Variants in CELF2 observed in about 807,000 individuals in gnomAD.
CELF2 encodes the protein CUGBP Elav-like family member 2, also known as CUG triplet repeat RNA-binding protein 2.
CELF2 carries 8 observed loss-of-function variants against 62.6 expected under a neutral mutation model. That is an observed-to-expected ratio of 0.13 (90% CI 0.07 to 0.23). The LOEUF (loss-of-function observed/expected upper bound fraction) is 0.23, where lower values mean the gene tolerates loss of function less well. Ranked by LOEUF, CELF2 falls within the 10% of genes least tolerant of loss-of-function variation. The pLI is 1.00. For synonymous variants in CELF2, 258 were observed against 250.0 expected (o/e 1.03, Z -0.30); for missense variants, 333 against 671.0 (o/e 0.50, Z 5.56).
the CELF2 span, among the ~76,000 whole-genome samples, chr10:10,565,181 C>T: frequency 6.6e-6 from 1 of 152,228 alleles, no homozygotes; most frequent in African/African-American, 2.4e-5. Context: ...GTGGCCCAGG[C>T]TATTATCTGA....
chr10:11,305,674 G>A lies in CELF2; in HGVS notation c.977-8465G>A, dbSNP rs1432356220. Among the ~76,000 whole-genome samples, 1 of 152,206 alleles carries A rather than the reference G, an allele frequency of 6.6e-6. No homozygotes were observed. Among genetic ancestry groups the A allele is most frequent in the African/African-American group, 2.4e-5 (1 of 41,450 alleles). On this transcript the variant is annotated intron_variant, in intron 9 of 12. Coordinates refer to ENST00000633077, the MANE Select transcript of CELF2 (RefSeq NM_001326342.2). The surrounding 1 kb of genome is among the most constrained non-coding windows in gnomAD (Gnocchi z 4.8). ...AGGCACTCGGTCTCTGACCTACAGT[G>A]TTAACCTAAGACAAGAATCTCTTCT...
intron 4 of CELF2, among the ~76,000 whole-genome samples, chr10:11,256,417 G>A (rs908660857): frequency 6.6e-5 from 10 of 152,112 alleles, no homozygotes; most frequent in Non-Finnish European, 1.0e-4. Flanking sequence ...CTTCCTGTCC[G>A]GGGTAGGCAT....
At chr10:10,789,970 C>T in the CELF2 span, among the ~76,000 whole-genome samples, 2 of 151,820 alleles carry the variant, frequency 1.3e-5, no homozygotes, top group Admixed American at 6.6e-5. Context: ...TTTATAAATG[C>T]TTTCACATAA....
chr10:11,079,904 C>A (rs1187613151), intron 1 of CELF2, among the ~76,000 whole-genome samples: 1 of 152,154 alleles, frequency 6.6e-6, no homozygotes, highest in Non-Finnish European at 1.5e-5. Context: ...GCAAGATGCA[C>A]TGTACTGCAA....
chr10:11,222,173 G>A (rs1049810253), intron 3 of CELF2, among the ~76,000 whole-genome samples: 3 of 152,168 alleles, frequency 2.0e-5, no homozygotes, highest in African/African-American at 4.8e-5. Flanking sequence ...CAGCAAAAAA[G>A]CTTGACTCTC....
At chr10:10,741,492 CAAAAAAAAAAAAA>C in the CELF2 span, among the ~76,000 whole-genome samples, 7 of 57,344 alleles carry the variant, frequency 1.2e-4, no homozygotes, top group Admixed American at 1.3e-3. Flanking sequence ...GACTCCGTCT[CAAAAAAAAAAAAA>C]AAAAAAAAAA....
rs1291019103 is a variant in CELF2, at chr10:11,159,101, G to A, written c.75-6385G>A. Among the ~76,000 whole-genome samples, 3 of 152,192 alleles carry A rather than the reference G, an allele frequency of 2.0e-5. No homozygotes were observed. The highest frequency in any genetic ancestry group is 2.9e-5 in the Non-Finnish European group (2 of 68,032). On this transcript the variant is annotated intron_variant, in intron 1 of 12. Transcript: ENST00000633077. This position sits in a 1 kb window ranked among gnomAD's most constrained non-coding sequence, Gnocchi z 5.0. Reference sequence around the variant, plus strand: ...AATTTTCCATGTGGATTCACTAGCTGATGTGTGGCCATCTCAGAGATGGTT... The same window carrying A: ...AATTTTCCATGTGGATTCACTAGCTAATGTGTGGCCATCTCAGAGATGGTT...
rs1268090103 is a variant in CELF2, at chr10:11,159,868, G to A, written c.75-5618G>A. Among the ~76,000 whole-genome samples the A allele has an allele frequency of 2.0e-5, 3 of 152,218 alleles. No individual in the cohort carries two copies. Among genetic ancestry groups the A allele is most frequent in the Admixed American group, 6.5e-5 (1 of 15,280 alleles). ...AATGATTCCTGAGCCCTTTGAAAGA[G>A]TGGCTTGTTAGCTACAGAAATGATG... On this transcript the variant is annotated intron_variant, in intron 1 of 12. Transcript: ENST00000633077. The surrounding 1 kb of genome is among the most constrained non-coding windows in gnomAD (Gnocchi z 5.0).
chr10:10,570,070 A>G, the CELF2 span, among the ~76,000 whole-genome samples: 2 of 152,184 alleles, frequency 1.3e-5, no homozygotes, highest in Non-Finnish European at 2.9e-5. Context: ...AAACCAATCT[A>G]GTGCCTCCCA....
rs182954941 is a variant in CELF2, at chr10:11,269,407, G to C, written c.619-1259G>C. ...AACTGCATCCCCAGTAACTACCCAA[G>C]GTGATAAGGAAAAAAATGCGTTTGT... is the stretch of plus-strand genomic sequence containing the variant. On this transcript the variant is annotated intron_variant, in intron 6 of 12. Coordinates refer to ENST00000633077, the MANE Select transcript of CELF2 (RefSeq NM_001326342.2). This position sits in a 1 kb window ranked among gnomAD's most constrained non-coding sequence, Gnocchi z 4.4. 1.3e-3 allele frequency among the ~76,000 whole-genome samples: 195 copies of C among 151,846 alleles called. 1 individual carries two copies. The highest frequency in any genetic ancestry group is 4.4e-3 in the African/African-American group (181 of 41,390).
the CELF2 span, among the ~76,000 whole-genome samples, chr10:10,540,860 G>A: frequency 3.3e-5 from 5 of 152,070 alleles, no homozygotes; most frequent in African/African-American, 1.2e-4. Context: ...TAATCCAAAG[G>A]AATTCAGTAT....
the CELF2 span, among the ~76,000 whole-genome samples, chr10:10,753,901 T>C: frequency 6.6e-6 from 1 of 152,174 alleles, no homozygotes; most frequent in Non-Finnish European, 1.5e-5. Flanking sequence ...ATTTGTATTT[T>C]CAATGTGTAT....
At chr10:11,185,166 A>G (rs1422342771) in intron 2 of CELF2, among the ~76,000 whole-genome samples, 2 of 152,052 alleles carry the variant, frequency 1.3e-5, no homozygotes, top group East Asian at 3.9e-4. Flanking sequence ...AATATGACAA[A>G]TCACATTGTT....
chr10:10,473,257 G>C, the CELF2 span, among the ~76,000 whole-genome samples: 2 of 152,070 alleles, frequency 1.3e-5, no homozygotes, highest in South Asian at 4.1e-4. Context: ...CATTGTGAAA[G>C]TGAAGGCAGA....
intron 1 of CELF2, chr10:10,917,757 T>C (rs2064490665): frequency 6.6e-6 from 1 of 152,162 alleles, no homozygotes; most frequent in Admixed American, 6.5e-5. Flanking sequence ...CCGGCATCAG[T>C]GGGTAGATGA....
At chr10:10,683,794 G>A in the CELF2 span, among the ~76,000 whole-genome samples, 2 of 152,112 alleles carry the variant, frequency 1.3e-5, no homozygotes, top group Non-Finnish European at 2.9e-5. Flanking sequence ...TTAATATTAG[G>A]ATTAGCCTCT....
rs185427349 is a variant in CELF2, at chr10:10,856,250, G to A, written c.53+57433G>A. Among the ~76,000 whole-genome samples, 27 of 152,184 alleles carry A rather than the reference G, an allele frequency of 1.8e-4. No homozygotes were observed. The South Asian group carries it at 2.1e-3, about 12-fold the overall frequency. On this transcript the variant is annotated intron_variant, in intron 1 of 13. Transcript: ENST00000636488. ...ATTAATTGCATTTTCACACCGGATC[G>A]CGTTGTTTTCCTGAGTGGAAAACAA...
At chr10:10,592,467 C>T in the CELF2 span, among the ~76,000 whole-genome samples, 168 of 152,244 alleles carry the variant, frequency 1.1e-3, no homozygotes, top group African/African-American at 3.9e-3. Context: ...TCATTTAGCA[C>T]CTTCCATTCC....
chr10:10,557,780 T>C, the CELF2 span, among the ~76,000 whole-genome samples: 1 of 145,152 alleles, frequency 6.9e-6, no homozygotes. Context: ...CTAGGTATTT[T>C]ATTCTCTTTG....
Sources: allele counts gnomAD v4.1 joint callset (sites outside exome capture counted in the v4.1 genomes callset), GRCh38; gene constraint gnomAD v4.1.1; non-coding constraint Gnocchi (gnomAD v3.1); transcripts MANE v1.5; gene names NCBI Gene and HGNC (gene_info 2026-07-23, HGNC 2026-07-21).